SVEP1: variants seen among roughly 807,000 people sequenced by gnomAD.
The protein encoded by SVEP1 is sushi, von Willebrand factor type A, EGF and pentraxin domain-containing protein 1.
In SVEP1, 164 loss-of-function variants were observed where a neutral mutation model predicts 367.3. That is an observed-to-expected ratio of 0.45 (90% CI 0.39 to 0.51). The LOEUF (loss-of-function observed/expected upper bound fraction) is 0.51, where lower values mean the gene tolerates loss of function less well. SVEP1 is among the 20% of genes least tolerant of loss of function. The pLI is 0.00. For synonymous variants in SVEP1, 1,666 were observed against 1,611.6 expected (o/e 1.03, Z -0.81); for missense variants, 4,117 against 4,425.3 (o/e 0.93, Z 1.98).
chr9:110,376,312 A>G (rs1473489112), intron 45 of SVEP1, among the ~76,000 whole-genome samples: 1 of 152,106 alleles, frequency 6.6e-6, no homozygotes, highest in Non-Finnish European at 1.5e-5. Flanking sequence ...GTCGTGGGGT[A>G]CCCCAAAGTC....
rs1369449521 is a variant in SVEP1, at chr9:110,407,522, C to A, written c.8078G>T (p.Gly2693Val). The change falls in exon 38 of 48, where the codon GGG becomes GTG. Residue 2693 changes from glycine to valine, a missense_variant. Physicochemically the swap from Gly to Val is moderately radical, Grantham distance 109. Transcript: ENST00000374469. ...YTCNPGYELL[G>V]NPVLICQEDG... Reference sequence around the variant, plus strand: ...TTCCTGGCAGATCAGCACAGGGTTCCCCAGAAGTTCATATCCTGGATTACA... The same window carrying A: ...TTCCTGGCAGATCAGCACAGGGTTCACCAGAAGTTCATATCCTGGATTACA... 7 of 1,613,806 alleles carry A rather than the reference C, an allele frequency of 4.3e-6. No individual in the cohort carries two copies. Among genetic ancestry groups the A allele is most frequent in the Non-Finnish European group, 5.1e-6 (6 of 1,179,882 alleles).
intron 27 of SVEP1, among the ~76,000 whole-genome samples, chr9:110,437,665 G>C (rs542356494): frequency 6.6e-6 from 1 of 151,476 alleles, no homozygotes; most frequent in African/African-American, 2.4e-5. Flanking sequence ...AATAGTTTTT[G>C]GGGAATGGGT....
intron 40 of SVEP1, among the ~76,000 whole-genome samples, chr9:110,397,275 C>A (rs1337838143): frequency 1.1e-4 from 16 of 151,362 alleles, no homozygotes; most frequent in South Asian, 2.1e-4. Context: ...CAGAAAAGGC[C>A]TTTGACAAAA....
intron 9 of SVEP1, among the ~76,000 whole-genome samples, chr9:110,487,106 G>A (rs964007193): frequency 5.3e-5 from 8 of 152,220 alleles, no homozygotes; most frequent in African/African-American, 1.9e-4. Flanking sequence ...ACAGGCATGT[G>A]CCACCACACC....
intron 20 of SVEP1, chr9:110,457,993 C>A: frequency 9.3e-6 from 3 of 321,212 alleles, no homozygotes; most frequent in Admixed American, 4.2e-5. Context: ...AAATATAAAG[C>A]ATTTGGTTTA....
At chr9:110,571,195 T>G (rs1190484803) in intron 1 of SVEP1, among the ~76,000 whole-genome samples, 1 of 151,724 alleles carries the variant, frequency 6.6e-6, no homozygotes, top group African/African-American at 2.4e-5. Context: ...CAGGCTGGTC[T>G]TGACCTCAGG....
intron 28 of SVEP1, among the ~76,000 whole-genome samples, chr9:110,435,893 G>A (rs1828423726): frequency 6.6e-6 from 1 of 152,158 alleles, no homozygotes; most frequent in African/African-American, 2.4e-5. Flanking sequence ...AACTCAGTGA[G>A]ATGGAATAAC....
chr9:110,391,486 G>A (rs1328214179), intron 40 of SVEP1, among the ~76,000 whole-genome samples: 2 of 151,956 alleles, frequency 1.3e-5, no homozygotes, highest in Non-Finnish European at 2.9e-5. Flanking sequence ...TGGACAGGCT[G>A]GTCTCAAACT....
chr9:110,390,147 G>GTATGTATCT (rs1588027168), intron 40 of SVEP1, among the ~76,000 whole-genome samples: 1 of 92,572 alleles, frequency 1.1e-5, no homozygotes, highest in Non-Finnish European at 2.2e-5. Flanking sequence ...ATATATACAA[G>GTATGTATCT]TATATACATA....
chr9:110,495,805 AAATT>A (rs980027141), intron 8 of SVEP1, among the ~76,000 whole-genome samples: 1 of 152,212 alleles, frequency 6.6e-6, no homozygotes, highest in African/African-American at 2.4e-5. Context: ...TATACAAAGA[AAATT>A]AAAATACTGT....
chr9:110,428,342 T>A (rs536177966), intron 35 of SVEP1, among the ~76,000 whole-genome samples: 10 of 152,120 alleles, frequency 6.6e-5, no homozygotes, highest in Non-Finnish European at 1.2e-4. Flanking sequence ...CCACTTCAGA[T>A]CCTGTTGATC....
chr9:110,507,538 G>C (rs565402330), intron 5 of SVEP1, among the ~76,000 whole-genome samples: 105 of 152,308 alleles, frequency 6.9e-4, no homozygotes, highest in African/African-American at 2.4e-3. Context: ...TTAGAGATTA[G>C]ATCATAAACC....
At position 110,387,276 on chromosome 9, in the gene SVEP1, AAC is replaced by A. The variant is rs1827539783; in HGVS notation, c.10060+7_10060+8del. 2 of 1,569,886 alleles carry A rather than the reference AAC, an allele frequency of 1.3e-6. No homozygotes were observed. Among genetic ancestry groups the A allele is most frequent in the East Asian group, 2.3e-5 (1 of 44,134 alleles). On this transcript the variant is annotated splice_region_variant and intron_variant, in intron 42 of 47. Coordinates refer to ENST00000374469, the MANE Select transcript of SVEP1 (RefSeq NM_153366.4). ...TCTGATTAAAATTTCTCCTAAAGGC[AAC>A]ACACACGTTTGCAGAGAGGGACTGG...
At chr9:110,523,861 CA>C (rs1280213515) in intron 3 of SVEP1, among the ~76,000 whole-genome samples, 2 of 149,496 alleles carry the variant, frequency 1.3e-5, no homozygotes, top group Admixed American at 6.7e-5. Context: ...GAGCAGAAAT[CA>C]ATAAAATTAA....
At chr9:110,435,455 C>T (rs1418767688) in intron 28 of SVEP1, 91 bp from the exon 29 acceptor site, 1 of 1,467,844 alleles carries the variant, frequency 6.8e-7, no homozygotes, top group African/African-American at 1.4e-5. Flanking sequence ...AAAACATTCA[C>T]AGATTTTTTA....
intron 16 of SVEP1, among the ~76,000 whole-genome samples, chr9:110,469,890 G>A (rs1189485261): frequency 2.0e-5 from 3 of 152,124 alleles, no homozygotes; most frequent in Non-Finnish European, 1.5e-5. Context: ...TCACAAGGTG[G>A]GGAGGAAACA....
chr9:110,408,300 C>T lies in SVEP1; in HGVS notation c.7300G>A (p.Glu2434Lys), dbSNP rs1428418920. ...PDGTWSSPLP[E>K]CVPVECPQPE... ...TGGGGACATTCTACTGGAACACATT[C>T]TGGCAGTGGAGAGCTCCAGGTGCCA... The change falls in exon 38 of 48, where the codon GAA (glutamate) becomes AAA (lysine). Residue 2434 changes from glutamate to lysine, a missense_variant. Around this residue, in one of 4 missense-constraint regions of SVEP1, gnomAD observed 1,765 missense variants for 1,781.1 expected, o/e 0.99. Coordinates refer to ENST00000374469, the MANE Select transcript of SVEP1 (RefSeq NM_153366.4). 1 of 1,613,976 alleles carries T rather than the reference C, an allele frequency of 6.2e-7. No individual in the cohort carries two copies. The highest frequency in any genetic ancestry group is 2.2e-5 in the East Asian group (1 of 44,880).
intron 43 of SVEP1, among the ~76,000 whole-genome samples, chr9:110,382,697 C>A (rs1328737153): frequency 1.3e-5 from 2 of 152,182 alleles, no homozygotes; most frequent in Non-Finnish European, 1.5e-5. Flanking sequence ...CTTTCAGGTA[C>A]CCCGATCAAT....
intron 5 of SVEP1, among the ~76,000 whole-genome samples, chr9:110,505,665 T>G (rs936883374): frequency 2.0e-5 from 3 of 152,242 alleles, no homozygotes; most frequent in Admixed American, 1.3e-4. Context: ...TCCAATAACC[T>G]TTTTTAAATT....
Sources: allele counts gnomAD v4.1 joint callset (sites outside exome capture counted in the v4.1 genomes callset), GRCh38; gene constraint gnomAD v4.1.1; regional missense constraint gnomAD v4.1.1; transcripts MANE v1.5; gene names NCBI Gene and HGNC (gene_info 2026-07-23, HGNC 2026-07-21).